CCSER1: variants seen among roughly 807,000 people sequenced by gnomAD.
CCSER1 encodes coiled-coil serine rich protein 1.
CCSER1 carries 41 observed loss-of-function variants against 82.0 expected under a neutral mutation model. The observed-to-expected ratio is 0.50, with a 90% CI of 0.39 to 0.65. The LOEUF (loss-of-function observed/expected upper bound fraction) is 0.65. Ranked by LOEUF, CCSER1 falls within the 30% of genes least tolerant of loss-of-function variation. CCSER1 has a pLI of 0.00. For synonymous variants in CCSER1, 414 were observed against 383.9 expected (o/e 1.08, Z -0.92); for missense variants, 1,119 against 1,064.2 (o/e 1.05, Z -0.72).
intron 10 of CCSER1, among the ~76,000 whole-genome samples, chr4:91,416,527 T>C (rs551874541): frequency 6.6e-6 from 1 of 151,870 alleles, no homozygotes; most frequent in African/African-American, 2.4e-5. Context: ...TGTAACAGAA[T>C]AGAGAAAACA....
chr4:90,436,866 G>T (rs1177776655), intron 4 of CCSER1, among the ~76,000 whole-genome samples: 1 of 151,516 alleles, frequency 6.6e-6, no homozygotes, highest in African/African-American at 2.4e-5. Context: ...GAGTGCAGTG[G>T]CGCAATCTCA....
intron 1 of CCSER1, among the ~76,000 whole-genome samples, chr4:90,154,805 T>C (rs1578219478): frequency 1.3e-5 from 2 of 150,560 alleles, no homozygotes; most frequent in Middle Eastern, 6.9e-3. Flanking sequence ...TTTCTAGATA[T>C]ACAATCATGT....
intron 6 of CCSER1, among the ~76,000 whole-genome samples, chr4:90,715,955 A>G (rs1330197547): frequency 6.6e-6 from 1 of 151,842 alleles, no homozygotes; most frequent in Admixed American, 6.6e-5. Context: ...ATTATAATAT[A>G]CCCATAAAAT....
At chr4:90,589,614 T>G (rs989903244) in intron 5 of CCSER1, among the ~76,000 whole-genome samples, 4 of 152,144 alleles carry the variant, frequency 2.6e-5, no homozygotes, top group African/African-American at 9.6e-5. Flanking sequence ...AGATCTATTC[T>G]TACATTTATT....
rs150065547 is a variant in CCSER1 at position 90,417,065 on chromosome 4, G to A, written c.1603+16936G>A. 6.2e-3 allele frequency among the ~76,000 whole-genome samples: 945 copies of A among 152,274 alleles called. 25 individuals carry two copies. In the East Asian group the frequency reaches 0.089, roughly 14 times the overall value. On this transcript the variant is annotated intron_variant, in intron 4 of 10. Transcript: ENST00000509176. ...GCCTGTCAGTGGGTTGGGGGCAAGA[G>A]GAGGGAGAGAATTAGGACAAATACC...
intron 4 of CCSER1, among the ~76,000 whole-genome samples, chr4:90,451,475 T>C (rs574098410): frequency 3.3e-4 from 50 of 152,162 alleles, no homozygotes; most frequent in Non-Finnish European, 6.3e-4. Flanking sequence ...GTTTGACCAT[T>C]TTTAGCAGAT....
intron 5 of CCSER1, among the ~76,000 whole-genome samples, chr4:90,572,308 T>C (rs1314075739): frequency 6.6e-6 from 1 of 152,192 alleles, no homozygotes; most frequent in African/African-American, 2.4e-5. Context: ...ATTTGACAAT[T>C]TGGGCAGTCT....
intron 7 of CCSER1, among the ~76,000 whole-genome samples, chr4:90,739,260 T>C (rs1388722997): frequency 6.6e-6 from 1 of 152,212 alleles, no homozygotes; most frequent in African/African-American, 2.4e-5. Context: ...GGAGTTGTCA[T>C]CCAGGAGCTA....
At chr4:90,143,483 T>TAC (rs1331230610) in intron 1 of CCSER1, among the ~76,000 whole-genome samples, 5 of 78,228 alleles carry the variant, frequency 6.4e-5, no homozygotes, top group African/African-American at 9.0e-5. Context: ...TCCTAGCAAG[T>TAC]ACACACATAC....
At position 90,563,471 on chromosome 4, in the gene CCSER1, G is replaced by A. The variant is rs144834888; in HGVS notation, c.1725-64554G>A. 6.1e-3 allele frequency among the ~76,000 whole-genome samples: 932 copies of A among 152,102 alleles called. 11 individuals are homozygous for A. The highest frequency in any genetic ancestry group is 0.021 in the African/African-American group (874 of 41,488). ...CATCCCTCCAACCACTCCTGCCCTT[G>A]ATAACCACCATTTCCCTTTCTACTT... On this transcript the variant is annotated intron_variant, in intron 5 of 10. Transcript: ENST00000509176.
intron 8 of CCSER1, among the ~76,000 whole-genome samples, chr4:90,892,161 A>G (rs1723054124): frequency 6.6e-6 from 1 of 152,092 alleles, no homozygotes; most frequent in Non-Finnish European, 1.5e-5. Flanking sequence ...GCTTCACAAA[A>G]TCTGAAGTTG....
At chr4:91,578,103 G>T (rs1217001583) in intron 10 of CCSER1, among the ~76,000 whole-genome samples, 1 of 151,950 alleles carries the variant, frequency 6.6e-6, no homozygotes, top group African/African-American at 2.4e-5. Flanking sequence ...TGGGTCTTGG[G>T]AGCATTGGGA....
In CCSER1 at chr4:91,557,502, A is replaced by C. The variant is rs549975013; in HGVS notation, c.2218-41070A>C. ...CCTACTTTCAGAGAATTGATACATA[A>C]ATAAATAAACAATATTTATTAATGT... is the stretch of plus-strand genomic sequence containing the variant. On this transcript the variant is annotated intron_variant, in intron 10 of 10. Coordinates refer to ENST00000509176, the MANE Select transcript of CCSER1 (RefSeq NM_001145065.2). Among the ~76,000 whole-genome samples the C allele has an allele frequency of 4.3e-3, 658 of 151,628 alleles. 4 individuals carry two copies. The highest frequency in any genetic ancestry group is 0.015 in the African/African-American group (634 of 41,516).
Position 90,339,366 on chromosome 4 carries a change from T to C in CCSER1, c.1509+26319T>C, listed in dbSNP as rs1740974985. Among the ~76,000 whole-genome samples the C allele has an allele frequency of 3.9e-5, 6 of 152,282 alleles. No individual in the cohort carries two copies. The South Asian group carries it at 1.2e-3, about 32-fold the overall frequency. On this transcript the variant is annotated intron_variant, in intron 3 of 10. Transcript: ENST00000509176. ...CTACTTTTGGTTCACTCTTGCTTGC[T>C]TAGTCTGCTCTCCTCAGAGCTGCTC... is the stretch of plus-strand genomic sequence containing the variant.
At chr4:91,210,570 T>A (rs1736732118) in intron 10 of CCSER1, among the ~76,000 whole-genome samples, 1 of 151,350 alleles carries the variant, frequency 6.6e-6, no homozygotes, top group South Asian at 2.1e-4. Context: ...TCCTTCCAAA[T>A]AAGCATAATA....
chr4:91,149,657 A>G (rs1729939008), intron 10 of CCSER1, among the ~76,000 whole-genome samples: 1 of 152,160 alleles, frequency 6.6e-6, no homozygotes, highest in African/African-American at 2.4e-5. Context: ...ATTTTTGTAT[A>G]AGGTGTAAGG....
At chr4:91,478,783 A>G (rs749601098) in intron 10 of CCSER1, among the ~76,000 whole-genome samples, 37 of 151,998 alleles carry the variant, frequency 2.4e-4, no homozygotes, top group South Asian at 2.1e-4. Context: ...ACCACAAGAG[A>G]CCTACTTATT....
chr4:91,424,189 T>C (rs1413238485), intron 10 of CCSER1, among the ~76,000 whole-genome samples: 1 of 150,004 alleles, frequency 6.7e-6, no homozygotes, highest in African/African-American at 2.5e-5. Flanking sequence ...GCTAATTTTT[T>C]TGTATTTTTA....
intron 9 of CCSER1, among the ~76,000 whole-genome samples, chr4:91,038,717 A>G (rs981840066): frequency 6.6e-6 from 1 of 152,124 alleles, no homozygotes; most frequent in Non-Finnish European, 1.5e-5. Context: ...ATTCTTGCAT[A>G]TTTCCCCCCT....
Sources: gnomAD v4.1 joint callset for allele counts (sites outside exome capture counted in the v4.1 genomes callset) on GRCh38, gnomAD v4.1.1 for gene constraint, MANE v1.5 for transcripts, NCBI Gene and HGNC (gene_info 2026-07-23, HGNC 2026-07-21) for gene names.